CRMP1: variants seen among roughly 807,000 people sequenced by gnomAD.
The protein encoded by CRMP1 is dihydropyrimidinase-related protein 1.
In CRMP1, 19 loss-of-function variants were observed where a neutral mutation model predicts 68.3. The ratio of observed to expected loss-of-function variants is 0.28; its 90% CI spans 0.19 to 0.41. CRMP1 has a LOEUF of 0.41. CRMP1 is among the 10% of genes least tolerant of loss of function. CRMP1 has a pLI of 1.00. For synonymous variants in CRMP1, 439 were observed against 399.6 expected, an observed-to-expected ratio of 1.10 and a Z score of -1.18; for missense variants, 791 against 967.4, an observed-to-expected ratio of 0.82 and a Z score of 2.42.
chr4:5,889,850 A>T lies in CRMP1; in HGVS notation c.381+2739T>A. ...GGAGGCCAGAGACACCTGGGCCTTA[A>T]AATAGAGGTGAGGTTTTAGCTTCAC... On this transcript the variant is annotated intron_variant, in intron 1 of 13. Transcript: ENST00000324989. The surrounding 1 kb of genome is among the most constrained non-coding windows in gnomAD (Gnocchi z 4.5). 6.9e-7 allele frequency: 1 copy of T among 1,450,528 alleles called. No homozygotes were observed. Among genetic ancestry groups the T allele is most frequent in the Non-Finnish European group, 9.1e-7 (1 of 1,104,692 alleles). 89.9% of individuals were successfully genotyped at this position (1,450,528 alleles called of 1,614,324 possible). A position where few individuals can be genotyped will look rare whatever the true frequency, so the allele number is the denominator to read the frequency against.
At chr4:5,829,645 T>C (rs1410458520) in intron 11 of CRMP1, among the ~76,000 whole-genome samples, 3 of 152,208 alleles carry the variant, frequency 2.0e-5, no homozygotes, top group African/African-American at 7.2e-5. Context: ...AATAACTGTC[T>C]GACATATACA....
rs1166304638 is a variant in CRMP1 at position 5,853,446 on chromosome 4, T to C, written c.821-1977A>G. On this transcript the variant is annotated intron_variant, in intron 4 of 13. Transcript: ENST00000324989. This position sits in a 1 kb window ranked among gnomAD's most constrained non-coding sequence, Gnocchi z 4.7. ...GCTGCATCTAAGAGATAGCAAGTGT[T>C]GATGAGGATGTGGAGAAAAGGCAAT... Among the ~76,000 whole-genome samples the C allele has an allele frequency of 6.6e-6, 1 of 152,078 alleles. No homozygotes were observed. The highest frequency in any genetic ancestry group is 2.4e-5 in the African/African-American group (1 of 41,380).
chr4:5,891,196 A>ACACAC lies in CRMP1; in HGVS notation c.381+1388_381+1392dup, dbSNP rs1323172895. 1.3e-4 allele frequency among the ~76,000 whole-genome samples: 19 copies of ACACAC among 150,962 alleles called. No homozygotes were observed. The highest frequency in any genetic ancestry group is 2.2e-4 in the Non-Finnish European group (15 of 67,718). Reference sequence around the variant, plus strand: ...CACATACACACACACACACACACACACACACACACACACACACCCTTGCTG... The same window carrying ACACAC: ...CACATACACACACACACACACACACACACACCACACACACACACACACCCTTGCTG... On this transcript the variant is annotated intron_variant, in intron 1 of 13. Coordinates refer to ENST00000324989, the MANE Select transcript of CRMP1 (RefSeq NM_001014809.3). The surrounding 1 kb of genome is among the most constrained non-coding windows in gnomAD (Gnocchi z 5.2).
rs959662425 is a variant in CRMP1 at position 5,870,256 on chromosome 4, G to A, written c.382-3500C>T. On this transcript the variant is annotated intron_variant, in intron 1 of 13. Transcript: ENST00000324989. This position sits in a 1 kb window ranked among gnomAD's most constrained non-coding sequence, Gnocchi z 6.0. ...TTGGGACAACACACACCACCACCCT[G>A]CCAGCTGGCCCTACATCCCTTACCC... Among the ~76,000 whole-genome samples, 2 of 152,188 alleles carry A rather than the reference G, an allele frequency of 1.3e-5. No individual in the cohort carries two copies. The highest frequency in any genetic ancestry group is 4.8e-5 in the African/African-American group (2 of 41,456).
rs533237416 is a variant in CRMP1 at position 5,841,981 on chromosome 4, G to C, written c.1033-553C>G. On this transcript the variant is annotated intron_variant, in intron 7 of 13. Coordinates refer to ENST00000324989, the MANE Select transcript of CRMP1 (RefSeq NM_001014809.3). This position sits in a 1 kb window ranked among gnomAD's most constrained non-coding sequence, Gnocchi z 6.9. Reference sequence around the variant, plus strand: ...GGATCACTTGAGGTCGGAAGTTTCAGACCAGACTGGCCACCATGGTGAAAC... The same window carrying C: ...GGATCACTTGAGGTCGGAAGTTTCACACCAGACTGGCCACCATGGTGAAAC... Among the ~76,000 whole-genome samples the C allele has an allele frequency of 6.4e-4, 98 of 152,334 alleles. No individual in the cohort carries two copies. The highest frequency in any genetic ancestry group is 2.3e-3 in the African/African-American group (95 of 41,582).
In CRMP1 at chr4:5,843,626, T is replaced by C. The variant is rs1189410356; in HGVS notation, c.964-465A>G. 2.6e-5 allele frequency among the ~76,000 whole-genome samples: 4 copies of C among 152,124 alleles called. No individual in the cohort carries two copies. The highest frequency in any genetic ancestry group is 4.8e-5 in the African/African-American group (2 of 41,422). On this transcript the variant is annotated intron_variant, in intron 6 of 13. Transcript: ENST00000324989. The surrounding 1 kb of genome is among the most constrained non-coding windows in gnomAD (Gnocchi z 4.1). ...ATCCAGAACAGCCGTCTCTGTGACT[T>C]TGGGCAGGTTGGTCAAGCTCTCTTG... is the stretch of plus-strand genomic sequence containing the variant.
chr4:5,830,469 G>A (rs6812315), intron 11 of CRMP1, among the ~76,000 whole-genome samples: 67,406 of 152,052 alleles, frequency 0.44, 18,235 homozygotes, highest in African/African-American at 0.77. Context: ...TTGTATTCTA[G>A]TCCTTTCATA....
At position 5,828,467 on chromosome 4, in the gene CRMP1, G is replaced by A. The variant is rs141442552; in HGVS notation, c.1803+22C>T. 410 of 1,606,920 alleles carry A rather than the reference G, an allele frequency of 2.6e-4. No homozygotes were observed. The African/African-American group carries it at 4.5e-3, about 17-fold the overall frequency. ...CGGCTCTGGTCCCACGGGTGGGCCCGCTCCCCTGCAGACACACTCACCTTA... is the reference window on the plus strand; with the variant it reads ...CGGCTCTGGTCCCACGGGTGGGCCCACTCCCCTGCAGACACACTCACCTTA... On this transcript the variant is annotated intron_variant, in intron 12 of 13. Transcript: ENST00000324989.
Position 5,855,333 on chromosome 4 carries a change from G to A in CRMP1, c.820+810C>T, listed in dbSNP as rs565993290. Among the ~76,000 whole-genome samples, 26 of 152,106 alleles carry A rather than the reference G, an allele frequency of 1.7e-4. No homozygotes were observed. The highest frequency in any genetic ancestry group is 4.1e-4 in the South Asian group (2 of 4,824). On this transcript the variant is annotated intron_variant, in intron 4 of 13. Coordinates refer to ENST00000324989, the MANE Select transcript of CRMP1 (RefSeq NM_001014809.3). The surrounding 1 kb of genome is among the most constrained non-coding windows in gnomAD (Gnocchi z 4.9). Reference sequence around the variant, plus strand: ...TTTTAAAAATTGGAAACACACCCTCGCTCTCCTTGAAGCACCACCATTTGA... The same window carrying A: ...TTTTAAAAATTGGAAACACACCCTCACTCTCCTTGAAGCACCACCATTTGA...
At chr4:5,856,673 C>A (rs1355942224) in intron 3 of CRMP1, among the ~76,000 whole-genome samples, 1 of 151,078 alleles carries the variant, frequency 6.6e-6, no homozygotes, top group Non-Finnish European at 1.5e-5. Flanking sequence ...ATTACCATCA[C>A]CATCATCATC....
rs1194356887 is a variant in CRMP1, at chr4:5,854,401, T to G, written c.820+1742A>C. Reference sequence around the variant, plus strand: ...CGTACACCACCACTCCTGGCTATGTTTTTTTTTTTTTTTTTTTTTTTTTAA... The same window carrying G: ...CGTACACCACCACTCCTGGCTATGTGTTTTTTTTTTTTTTTTTTTTTTTAA... On this transcript the variant is annotated intron_variant, in intron 4 of 13. Coordinates refer to ENST00000324989, the MANE Select transcript of CRMP1 (RefSeq NM_001014809.3). This position sits in a 1 kb window ranked among gnomAD's most constrained non-coding sequence, Gnocchi z 4.0. 7.6e-4 allele frequency among the ~76,000 whole-genome samples: 3 copies of G among 3,946 alleles called. No individual in the cohort carries two copies. Among genetic ancestry groups the G allele is most frequent in the Non-Finnish European group, 2.3e-3 (2 of 876 alleles). The allele number at this position is 3,946 out of a possible 152,430, so 2.6% of individuals were successfully genotyped here.
chr4:5,845,786 T>C (rs1712148491), intron 6 of CRMP1, among the ~76,000 whole-genome samples: 2 of 152,210 alleles, frequency 1.3e-5, no homozygotes, highest in African/African-American at 4.8e-5. Context: ...AGGCAGCAAA[T>C]GAATTCCCAA....
rs1416776699 is a variant in CRMP1 at position 5,879,461 on chromosome 4, T to C, written c.382-12705A>G. Reference sequence around the variant, plus strand: ...TCTTATTTCCCCCATGAGACTGAAATCCTTGGCACCAGAGATGGCAGCTTA... The same window carrying C: ...TCTTATTTCCCCCATGAGACTGAAACCCTTGGCACCAGAGATGGCAGCTTA... On this transcript the variant is annotated intron_variant, in intron 1 of 13. Coordinates refer to ENST00000324989, the MANE Select transcript of CRMP1 (RefSeq NM_001014809.3). This position sits in a 1 kb window ranked among gnomAD's most constrained non-coding sequence, Gnocchi z 4.2. Among the ~76,000 whole-genome samples, 1 of 152,234 alleles carries C rather than the reference T, an allele frequency of 6.6e-6. No homozygotes were observed. Among genetic ancestry groups the C allele is most frequent in the African/African-American group, 2.4e-5 (1 of 41,462 alleles).
chr4:5,889,824 A>T lies in CRMP1; in HGVS notation c.381+2765T>A. 6.7e-7 allele frequency: 1 copy of T among 1,490,108 alleles called. No homozygotes were observed. The highest frequency in any genetic ancestry group is 8.9e-7 in the Non-Finnish European group (1 of 1,122,084). 92.3% of individuals were successfully genotyped at this position (1,490,108 alleles called of 1,614,324 possible). On this transcript the variant is annotated intron_variant, in intron 1 of 13. Transcript: ENST00000324989. This position sits in a 1 kb window ranked among gnomAD's most constrained non-coding sequence, Gnocchi z 4.5. ...AGGGGCCAGTCCCCTAATCCAGGGCAGGAGGCCAGAGACACCTGGGCCTTA... is the reference window on the plus strand; with the variant it reads ...AGGGGCCAGTCCCCTAATCCAGGGCTGGAGGCCAGAGACACCTGGGCCTTA...
chr4:5,838,393 G>A lies in CRMP1; in HGVS notation c.1310+1129C>T, dbSNP rs916112519. 6.6e-6 allele frequency among the ~76,000 whole-genome samples: 1 copy of A among 152,060 alleles called. No individual in the cohort carries two copies. Among genetic ancestry groups the A allele is most frequent in the Non-Finnish European group, 1.5e-5 (1 of 68,012 alleles). ...GGACTTACTGGTTCCAAGCAGAGGG[G>A]TGCTTGATCTAATCTAGGTTCTAAA... On this transcript the variant is annotated intron_variant, in intron 9 of 13. Transcript: ENST00000324989. The surrounding 1 kb of genome is among the most constrained non-coding windows in gnomAD (Gnocchi z 4.9).
In CRMP1 at chr4:5,872,275, C is replaced by T. The variant is rs979403938; in HGVS notation, c.382-5519G>A. ...ATATATGTTTTTAAAATTAATAACACCAAATTCACATATTTATAAAAAAAA... is the reference window on the plus strand; with the variant it reads ...ATATATGTTTTTAAAATTAATAACATCAAATTCACATATTTATAAAAAAAA... On this transcript the variant is annotated intron_variant, in intron 1 of 13. Transcript: ENST00000324989. This position sits in a 1 kb window ranked among gnomAD's most constrained non-coding sequence, Gnocchi z 4.6. Among the ~76,000 whole-genome samples, 4 of 152,008 alleles carry T rather than the reference C, an allele frequency of 2.6e-5. No individual in the cohort carries two copies. The highest frequency in any genetic ancestry group is 4.4e-5 in the Non-Finnish European group (3 of 68,020).
In CRMP1 at chr4:5,856,266, A is replaced by G; in HGVS notation, c.697T>C (p.Ser233Pro). 6.2e-7 allele frequency: 1 copy of G among 1,613,818 alleles called. No homozygotes were observed. The highest frequency in any genetic ancestry group is 1.7e-5 in the Admixed American group (1 of 59,974). ...GCTGCTTCGTGCCACTTCTCGAAAG[A>G]GGTCAGTAGGCTGGACCCAGGTTCA... ...VPEPGSSLLT[S>P]FEKWHEAADT... The change falls in exon 4 of 14, where the codon TCT becomes CCT. Residue 233 changes from serine to proline, a missense_variant. Around this residue, in one of 3 missense-constraint regions of CRMP1, gnomAD observed 594 missense variants for 763.6 expected, o/e 0.78. Transcript: ENST00000324989.
rs554877102 is a variant in CRMP1 at position 5,872,547 on chromosome 4, C to T, written c.382-5791G>A. ...ACTAAAAATGCAAAAATTAGTTGGG[C>T]GTGGTGGCAGGCACCTGTAATCCCA... On this transcript the variant is annotated intron_variant, in intron 1 of 13. Transcript: ENST00000324989. The surrounding 1 kb of genome is among the most constrained non-coding windows in gnomAD (Gnocchi z 4.6). Among the ~76,000 whole-genome samples the T allele has an allele frequency of 3.6e-4, 55 of 152,070 alleles. No homozygotes were observed. Among genetic ancestry groups the T allele is most frequent in the Middle Eastern group, 3.2e-3 (1 of 316 alleles).
chr4:5,856,147 G>A lies in CRMP1; in HGVS notation c.816C>T (p.Asp272=). The change falls in exon 4 of 14, where the codon GAC becomes GAT. Residue 272 remains aspartate, a synonymous_variant. Transcript: ENST00000324989. ...VREELEVLVQ[D]KGVNSFQVYM... is the part of the protein sequence containing the mutation. Reference sequence around the variant, plus strand: ...CGTTCCGAGGCTTTAACTGACCTTTGTCCTGCACCAGCACCTCCAGCTCCT... The same window carrying A: ...CGTTCCGAGGCTTTAACTGACCTTTATCCTGCACCAGCACCTCCAGCTCCT... The A allele has an allele frequency of 6.2e-7, 1 of 1,613,882 alleles. No individual in the cohort carries two copies. The highest frequency in any genetic ancestry group is 1.7e-4 in the Middle Eastern group (1 of 6,018).
Sources: allele counts gnomAD v4.1 joint callset (sites outside exome capture counted in the v4.1 genomes callset), GRCh38; gene constraint gnomAD v4.1.1; regional missense constraint gnomAD v4.1.1; non-coding constraint Gnocchi (gnomAD v3.1); transcripts MANE v1.5; gene names NCBI Gene and HGNC (gene_info 2026-07-23, HGNC 2026-07-21).